GADL1: variants seen among roughly 807,000 people sequenced by gnomAD.
The protein encoded by GADL1 is GAD like acidic amino acid decarboxylase 1, also known as acidic amino acid decarboxylase GADL1.
In GADL1, 71 loss-of-function variants were observed where a neutral mutation model predicts 69.5. That is an observed-to-expected ratio of 1.02 (90% CI 0.84 to 1.25). The LOEUF is 1.25. GADL1 is among the 50% of genes most tolerant of loss of function. The pLI is 0.00. For missense variants in GADL1, 737 were observed against 631.8 expected (o/e 1.17, Z -1.79); for synonymous variants, 254 against 214.4 (o/e 1.18, Z -1.62).
At chr3:30,765,093 C>A (rs936808240) in intron 14 of GADL1, among the ~76,000 whole-genome samples, 32 of 150,288 alleles carry the variant, frequency 2.1e-4, no homozygotes, top group African/African-American at 7.1e-4. Flanking sequence ...TAGCAACTTA[C>A]AACACTAACT....
chr3:30,843,257 C>CAT lies in GADL1; in HGVS notation c.786+952_786+953insAT, dbSNP rs1697998344. On this transcript the variant is annotated intron_variant, in intron 8 of 14. Coordinates refer to ENST00000282538, the MANE Select transcript of GADL1 (RefSeq NM_207359.3). Reference sequence around the variant, plus strand: ...TGGCTGAGACCAAAATAATGATACACCTTTTTTTTTTTTTTTGAGATGGAG... The same window carrying CAT: ...TGGCTGAGACCAAAATAATGATACACATCTTTTTTTTTTTTTTTGAGATGGAG... 2.7e-5 allele frequency among the ~76,000 whole-genome samples: 3 copies of CAT among 112,762 alleles called. No homozygotes were observed. In the Admixed American group the frequency reaches 2.8e-4, roughly 11 times the overall value. 74.0% of individuals were successfully genotyped at this position (112,762 alleles called of 152,430 possible). A position where few individuals can be genotyped will look rare whatever the true frequency, so the allele number is the denominator to read the frequency against.
intron 14 of GADL1, among the ~76,000 whole-genome samples, chr3:30,774,023 G>A (rs1220753600): frequency 6.6e-6 from 1 of 152,128 alleles, no homozygotes; most frequent in African/African-American, 2.4e-5. Context: ...ACTCAGACAT[G>A]GAGAGCTTTG....
chr3:30,806,304 A>G (rs1697255050), intron 11 of GADL1, among the ~76,000 whole-genome samples: 2 of 152,216 alleles, frequency 1.3e-5, no homozygotes, highest in Admixed American at 1.3e-4. Flanking sequence ...CTATTATATA[A>G]CAAGCACTAT....
At chr3:30,759,951 GA>G (rs936066918) in intron 14 of GADL1, among the ~76,000 whole-genome samples, 1 of 151,892 alleles carries the variant, frequency 6.6e-6, no homozygotes, top group Admixed American at 6.5e-5. Context: ...GTAAGTTGAA[GA>G]AAGATTCACG....
chr3:30,762,470 A>C (rs1027218923), intron 14 of GADL1, among the ~76,000 whole-genome samples: 3 of 152,188 alleles, frequency 2.0e-5, no homozygotes, highest in Admixed American at 1.3e-4. Context: ...TAACATTTTT[A>C]TAATAAACTT....
chr3:30,758,654 G>T (rs1041033919), intron 14 of GADL1, among the ~76,000 whole-genome samples: 1 of 152,198 alleles, frequency 6.6e-6, no homozygotes, highest in African/African-American at 2.4e-5. Flanking sequence ...CTTGGTGGAA[G>T]AAGAGAGTAA....
At position 30,811,798 on chromosome 3, in the gene GADL1, T is replaced by C. The variant is rs183938485; in HGVS notation, c.1051-10710A>G. Among the ~76,000 whole-genome samples, 654 of 147,456 alleles carry C rather than the reference T, an allele frequency of 4.4e-3. 8 individuals carry two copies. Among genetic ancestry groups the C allele is most frequent in the African/African-American group, 0.015 (620 of 40,104 alleles). On this transcript the variant is annotated intron_variant, in intron 11 of 14. Coordinates refer to ENST00000282538, the MANE Select transcript of GADL1 (RefSeq NM_207359.3). ...AACCCTGGATAACATTAGAATCATA[T>C]GGTTTTTTTTCCCCCCAAAATAACA...
At chr3:30,756,595 G>A (rs1335751048) in intron 14 of GADL1, among the ~76,000 whole-genome samples, 1 of 152,120 alleles carries the variant, frequency 6.6e-6, no homozygotes, top group Non-Finnish European at 1.5e-5. Context: ...GCTAAATTCT[G>A]ACCCAAGGCC....
chr3:30,836,831 C>T (rs977730693), intron 9 of GADL1, among the ~76,000 whole-genome samples: 1 of 152,054 alleles, frequency 6.6e-6, no homozygotes, highest in African/African-American at 2.4e-5. Context: ...ACGTTTTGTT[C>T]TCAGACAGAA....
At position 30,750,857 on chromosome 3, in the gene GADL1, T is replaced by G. The variant is rs117010748; in HGVS notation, c.1393-22442A>C. Among the ~76,000 whole-genome samples the G allele has an allele frequency of 2.2e-3, 342 of 152,280 alleles. 8 individuals are homozygous for G. In the East Asian group the frequency reaches 0.052, roughly 23 times the overall value. On this transcript the variant is annotated intron_variant, in intron 14 of 14. Coordinates refer to ENST00000282538, the MANE Select transcript of GADL1 (RefSeq NM_207359.3). ...CTCATTTTTTTATTTTCAATGAACATTAGTCTCTGGTGGATCCTATAATAA... is the reference window on the plus strand; with the variant it reads ...CTCATTTTTTTATTTTCAATGAACAGTAGTCTCTGGTGGATCCTATAATAA...
chr3:30,778,342 C>G (rs1301713610), intron 13 of GADL1, 74 bp from the exon 14 acceptor site: 2 of 902,598 alleles, frequency 2.2e-6, no homozygotes, highest in South Asian at 1.5e-5. Context: ...TTTTAAAACT[C>G]TTAGCTAGTT....
intron 11 of GADL1, among the ~76,000 whole-genome samples, chr3:30,802,525 TGTTTCCTTCTGATCAGA>T: frequency 6.6e-6 from 1 of 152,138 alleles, no homozygotes. Flanking sequence ...TCCTAGAAAA[TGTTTCCTTCTGATCAGA>T]GAATGTATTA....
intron 13 of GADL1, chr3:30,779,214 G>T (rs1244705984): frequency 6.6e-6 from 1 of 152,172 alleles, no homozygotes; most frequent in East Asian, 1.9e-4. Flanking sequence ...CATTATGTTG[G>T]GGGTTCACAA....
chr3:30,797,505 G>C (rs1236236949), intron 12 of GADL1, among the ~76,000 whole-genome samples: 1 of 152,114 alleles, frequency 6.6e-6, no homozygotes, highest in East Asian at 1.9e-4. Context: ...TACAGTAACT[G>C]TTTGAGATAC....
intron 12 of GADL1, among the ~76,000 whole-genome samples, chr3:30,794,832 A>C (rs950197679): frequency 1.3e-5 from 2 of 152,202 alleles, no homozygotes; most frequent in Non-Finnish European, 2.9e-5. Flanking sequence ...GGTCTATCAA[A>C]ATCTCATCCT....
At chr3:30,834,505 T>A (rs529709301) in intron 9 of GADL1, among the ~76,000 whole-genome samples, 21 of 152,186 alleles carry the variant, frequency 1.4e-4, no homozygotes, top group African/African-American at 4.8e-4. Flanking sequence ...GAATTATAAA[T>A]TCATGCATCA....
At chr3:30,854,216 G>A (rs893039402) in intron 4 of GADL1, among the ~76,000 whole-genome samples, 4 of 152,152 alleles carry the variant, frequency 2.6e-5, no homozygotes, top group Admixed American at 6.6e-5. Flanking sequence ...ACACTCTCCT[G>A]AGCTTCCAAC....
At chr3:30,774,927 A>G (rs183103056) in intron 14 of GADL1, among the ~76,000 whole-genome samples, 1 of 152,140 alleles carries the variant, frequency 6.6e-6, no homozygotes, top group African/African-American at 2.4e-5. Flanking sequence ...GGTAAAGAAA[A>G]TAAACTGGAA....
chr3:30,796,879 C>T (rs1358735937), intron 12 of GADL1, among the ~76,000 whole-genome samples: 1 of 152,142 alleles, frequency 6.6e-6, no homozygotes, highest in Non-Finnish European at 1.5e-5. Context: ...TACCCATAAT[C>T]ACCAGAATTA....
Sources: allele counts gnomAD v4.1 joint callset (sites outside exome capture counted in the v4.1 genomes callset), GRCh38; gene constraint gnomAD v4.1.1; transcripts MANE v1.5; gene names NCBI Gene and HGNC (gene_info 2026-07-23, HGNC 2026-07-21).